PCMT1: variants seen among roughly 807,000 people sequenced by gnomAD.
The protein encoded by PCMT1 is protein-L-isoaspartate (D-aspartate) O-methyltransferase.
Under a neutral mutation model 29.2 loss-of-function variants are expected in PCMT1, and 9 were observed. The ratio of observed to expected loss-of-function variants is 0.31; its 90% CI spans 0.19 to 0.54. The LOEUF is 0.54. Ranked by LOEUF, PCMT1 falls within the 20% of genes least tolerant of loss-of-function variation. PCMT1 has a pLI of 0.95. For missense variants in PCMT1, 184 were observed against 282.2 expected, an observed-to-expected ratio of 0.65 and a Z score of 2.49; for synonymous variants, 98 against 97.5, an observed-to-expected ratio of 1.00 and a Z score of -0.03.
At chr6:149,772,509 C>G (rs1386998881) in intron 2 of PCMT1, 1 of 431,658 alleles carries the variant, frequency 2.3e-6, no homozygotes, top group Non-Finnish European at 4.5e-6. Context: ...AAAAACAAGC[C>G]AAAAATATAT....
intron 3 of PCMT1, among the ~76,000 whole-genome samples, chr6:149,786,644 GGCC>G (rs1788103885): frequency 6.7e-6 from 1 of 149,046 alleles, no homozygotes; most frequent in South Asian, 2.1e-4. Context: ...ACGGGGTCGC[GGCC>G]GGGCAGAGAC....
At chr6:149,750,796 T>G (rs1421205222) in intron 1 of PCMT1, among the ~76,000 whole-genome samples, 1 of 152,162 alleles carries the variant, frequency 6.6e-6, no homozygotes, top group Non-Finnish European at 1.5e-5. Context: ...CTGTGTCACT[T>G]TCTTTTTTTA....
intron 3 of PCMT1, among the ~76,000 whole-genome samples, chr6:149,784,224 G>A (rs979232969): frequency 1.3e-5 from 2 of 152,184 alleles, no homozygotes; most frequent in Non-Finnish European, 2.9e-5. Context: ...ATGTGAGGCT[G>A]TATCTATTCA....
In PCMT1 at chr6:149,753,194, C is replaced by G. The variant is rs369266556; in HGVS notation, c.55+3238C>G. ...AAAATTTGAAAATATTGCCTTCCTT[C>G]CTCATTATTCTACTGTGTATATTCT... On this transcript the variant is annotated intron_variant, in intron 1 of 7. Transcript: ENST00000464889. Among the ~76,000 whole-genome samples the G allele has an allele frequency of 3.9e-5, 6 of 152,058 alleles. No individual in the cohort carries two copies. In the East Asian group the frequency reaches 1.2e-3, roughly 29 times the overall value.
chr6:149,801,639 A>G (rs1775830685), intron 6 of PCMT1, among the ~76,000 whole-genome samples: 1 of 151,782 alleles, frequency 6.6e-6, no homozygotes, highest in African/African-American at 2.4e-5. Flanking sequence ...GTAGAGTTGG[A>G]GTTTCACTGT....
chr6:149,809,665 A>G (rs1208436140), intron 7 of PCMT1, among the ~76,000 whole-genome samples: 2 of 152,116 alleles, frequency 1.3e-5, no homozygotes, highest in African/African-American at 4.8e-5. Context: ...TATCTTAACA[A>G]CTTTTTCAAA....
intron 3 of PCMT1, among the ~76,000 whole-genome samples, chr6:149,774,957 T>G (rs1312099109): frequency 6.6e-6 from 1 of 152,126 alleles, no homozygotes; most frequent in African/African-American, 2.4e-5. Context: ...TCCGCCCGCC[T>G]CGGCCTCCCA....
intron 2 of PCMT1, chr6:149,772,665 G>T (rs1441594895): frequency 2.3e-6 from 1 of 430,800 alleles, no homozygotes; most frequent in Non-Finnish European, 4.5e-6. Context: ...TAACTGCTGG[G>T]TGACAGTACT....
chr6:149,761,831 A>G (rs552139346), intron 1 of PCMT1, among the ~76,000 whole-genome samples: 1 of 152,296 alleles, frequency 6.6e-6, no homozygotes, highest in South Asian at 2.1e-4. Context: ...TGAGCAGTAA[A>G]TAAATCTTCT....
rs137965253 is a variant in PCMT1, at chr6:149,782,497, A to G, written c.193-7457A>G. On this transcript the variant is annotated intron_variant, in intron 3 of 7. Coordinates refer to ENST00000464889, the MANE Select transcript of PCMT1 (RefSeq NM_001360452.2). ...ATGGTATCCTGGTAGCAGTGAGCAC[A>G]CCTGGCATCCAGGTTTGGGATCCTA... Among the ~76,000 whole-genome samples the G allele has an allele frequency of 9.6e-4, 147 of 152,344 alleles. 1 individual carries two copies. The highest frequency in any genetic ancestry group is 3.4e-3 in the African/African-American group (141 of 41,586).
chr6:149,757,382 TTGTGC>T (rs1786550317), intron 1 of PCMT1, among the ~76,000 whole-genome samples: 2 of 152,110 alleles, frequency 1.3e-5, no homozygotes, highest in African/African-American at 2.4e-5. Context: ...AAAGATTCGA[TTGTGC>T]TGTTACAAAA....
intron 3 of PCMT1, among the ~76,000 whole-genome samples, chr6:149,776,477 CTGACCTCCTGACCTCAAG>C (rs1435849281): frequency 6.6e-6 from 1 of 151,992 alleles, no homozygotes; most frequent in Non-Finnish European, 1.5e-5. Flanking sequence ...GTCTCCTGAC[CTGACCTCCTGACCTCAAG>C]TGATCTCCTG....
intron 1 of PCMT1, among the ~76,000 whole-genome samples, chr6:149,770,170 C>G (rs1198046007): frequency 3.9e-5 from 6 of 152,150 alleles, no homozygotes; most frequent in African/African-American, 7.2e-5. Context: ...TATTCTAGAT[C>G]TCTTTCCTGA....
chr6:149,770,855 C>G (rs928347999), intron 1 of PCMT1, among the ~76,000 whole-genome samples: 2 of 37,492 alleles, frequency 5.3e-5, no homozygotes, highest in African/African-American at 6.2e-4. Context: ...AAAAATTAGC[C>G]AGGCGTGGTG....
chr6:149,767,270 T>TC (rs398110812), intron 1 of PCMT1, among the ~76,000 whole-genome samples: 4 of 151,308 alleles, frequency 2.6e-5, no homozygotes, highest in Non-Finnish European at 5.9e-5. Flanking sequence ...TTTTTTTTTT[T>TC]CTGCTGCTCT....
intron 6 of PCMT1, chr6:149,799,049 G>C (rs1230239925): frequency 1.3e-5 from 2 of 152,160 alleles, no homozygotes; most frequent in Non-Finnish European, 2.9e-5. Context: ...CAGGTGTGGT[G>C]GCTCACACTT....
At chr6:149,795,372 C>CTGTTAAGA (rs1366783023) in intron 5 of PCMT1, 1 of 400,862 alleles carries the variant, frequency 2.5e-6, no homozygotes, top group East Asian at 6.5e-5. Context: ...TAGATAATAG[C>CTGTTAAGA]TGTTAAGATA....
At chr6:149,763,156 ATATC>A (rs1167892393) in intron 1 of PCMT1, among the ~76,000 whole-genome samples, 2 of 55,728 alleles carry the variant, frequency 3.6e-5, no homozygotes, top group Non-Finnish European at 5.2e-5. Context: ...TCTATGATAT[ATATC>A]TATGATATCT....
chr6:149,789,833 A>G (rs563348698), intron 3 of PCMT1, 121 bp from the exon 4 acceptor site: 14 of 527,780 alleles, frequency 2.7e-5, no homozygotes, highest in South Asian at 1.4e-4. Context: ...GATAGCCAAG[A>G]TAACTTGGTT....
Sources: gnomAD v4.1 joint callset for allele counts (sites outside exome capture counted in the v4.1 genomes callset) on GRCh38, gnomAD v4.1.1 for gene constraint, MANE v1.5 for transcripts, NCBI Gene and HGNC (gene_info 2026-07-23, HGNC 2026-07-21) for gene names.